CPNE7: variants seen among roughly 807,000 people sequenced by gnomAD.
CPNE7 encodes copine-7.
A neutral mutation model predicts 66.5 loss-of-function variants in CPNE7; 78 were observed. The observed-to-expected ratio is 1.17, with a 90% CI of 0.98 to 1.42. CPNE7 has a LOEUF of 1.42. Among genes scored for constraint, CPNE7 ranks in the 40% most tolerant of loss-of-function variants. The pLI is 0.00. For synonymous variants in CPNE7, 468 were observed against 336.7 expected, an observed-to-expected ratio of 1.39 and a Z score of -4.27; for missense variants, 1,012 against 776.6, an observed-to-expected ratio of 1.30 and a Z score of -3.60.
intron 7 of CPNE7, 121 bp from the exon 8 acceptor site, chr16:89,586,549 C>A (rs562832523): frequency 6.4e-5 from 47 of 739,980 alleles, no homozygotes; most frequent in Non-Finnish European, 2.3e-6. Flanking sequence ...GCAGTGCCCT[C>A]CCCTCCCCTC....
rs752571734 is a variant in CPNE7 at position 89,591,112 on chromosome 16, C to A, written c.1169-15C>A. On this transcript the variant is annotated splice_polypyrimidine_tract_variant and intron_variant, in intron 12 of 14. Coordinates refer to ENST00000319518, the MANE Select transcript of CPNE7 (RefSeq NM_153636.3). Reference sequence around the variant, plus strand: ...GGAGTGCAGGGGGGCCGGGCTCACCCCCTGCCCCCCACAGGCATCCAGGGC... The same window carrying A: ...GGAGTGCAGGGGGGCCGGGCTCACCACCTGCCCCCCACAGGCATCCAGGGC... 27 of 1,612,840 alleles carry A rather than the reference C, an allele frequency of 1.7e-5. No individual in the cohort carries two copies. The African/African-American group carries it at 3.6e-4, about 22-fold the overall frequency.
At chr16:89,593,726 T>C (rs1344857214) in intron 13 of CPNE7, among the ~76,000 whole-genome samples, 1 of 152,208 alleles carries the variant, frequency 6.6e-6, no homozygotes, top group Non-Finnish European at 1.5e-5. Context: ...CAAATACAGA[T>C]TTCAGGAAAT....
chr16:89,576,080 G>A lies in CPNE7; in HGVS notation c.174+9G>A, dbSNP rs747038071. 147 of 1,255,962 alleles carry A rather than the reference G, an allele frequency of 1.2e-4. 2 individuals are homozygous for A. Among genetic ancestry groups the A allele is most frequent in the African/African-American group, 1.6e-5 (1 of 64,460 alleles). 77.8% of individuals were successfully genotyped at this position (1,255,962 alleles called of 1,614,324 possible). On this transcript the variant is annotated intron_variant, in intron 1 of 14. Transcript: ENST00000319518. ...AGGGCCAGTGGGTGCAGGTAGGGCC[G>A]GGGCGTGGGAGGCCGAGAGGCCACC...
In CPNE7 at chr16:89,591,105, G is replaced by A. The variant is rs774030516; in HGVS notation, c.1169-22G>A. ...GGGGAGGGGAGTGCAGGGGGGCCGGGCTCACCCCCTGCCCCCCACAGGCAT... is the reference window on the plus strand; with the variant it reads ...GGGGAGGGGAGTGCAGGGGGGCCGGACTCACCCCCTGCCCCCCACAGGCAT... On this transcript the variant is annotated intron_variant, in intron 12 of 14. Coordinates refer to ENST00000319518, the MANE Select transcript of CPNE7 (RefSeq NM_153636.3). 5.0e-6 allele frequency: 8 copies of A among 1,613,000 alleles called. No homozygotes were observed. The East Asian group carries it at 1.1e-4, about 22-fold the overall frequency.
chr16:89,577,425 G>A (rs1236179742), intron 1 of CPNE7, 114 bp from the exon 2 acceptor site: 3 of 1,079,936 alleles, frequency 2.8e-6, no homozygotes, highest in Middle Eastern at 3.0e-4. Flanking sequence ...GTCTTCCCAG[G>A]GTATGAGTCC....
chr16:89,588,933 T>G, intron 10 of CPNE7, 125 bp downstream of exon 10: 1 of 1,167,780 alleles, frequency 8.6e-7, no homozygotes, highest in Non-Finnish European at 1.2e-6. Context: ...CGGCCGGTTT[T>G]CCCTCACCCC....
chr16:89,595,664 C>G, intron 14 of CPNE7, 61 bp downstream of exon 14: 1 of 1,413,680 alleles, frequency 7.1e-7, no homozygotes, highest in Non-Finnish European at 9.9e-7. Flanking sequence ...ATGTCACTGC[C>G]CAAGACCTTC....
intron 14 of CPNE7, 116 bp downstream of exon 14, chr16:89,595,719 G>T: frequency 1.1e-6 from 1 of 936,546 alleles, no homozygotes; most frequent in Non-Finnish European, 1.7e-6. Flanking sequence ...CCCTTCTTGT[G>T]TCTGGGGGAT....
chr16:89,595,588 C>G lies in CPNE7; in HGVS notation c.1524C>G (p.Phe508Leu). The G allele has an allele frequency of 6.2e-7, 1 of 1,604,026 alleles. No homozygotes were observed. Among genetic ancestry groups the G allele is most frequent in the Non-Finnish European group, 8.5e-7 (1 of 1,173,314 alleles). ...ALRDIVQFVP[F>L]RELKNASPAA... ...GGGACATCGTACAGTTCGTGCCCTTCCGGGAGCTCAAGAACGTGAGTGTCC... is the reference window on the plus strand; with the variant it reads ...GGGACATCGTACAGTTCGTGCCCTTGCGGGAGCTCAAGAACGTGAGTGTCC... Residue 508 changes from phenylalanine to leucine, a missense_variant, in exon 14 of 15, where the codon TTC becomes TTG. Physicochemically the swap from Phe to Leu is conservative, Grantham distance 22 (BLOSUM62 0). Coordinates refer to ENST00000319518, the MANE Select transcript of CPNE7 (RefSeq NM_153636.3).
chr16:89,588,575 C>G, intron 9 of CPNE7, 100 bp from the exon 10 acceptor site: 1 of 1,496,520 alleles, frequency 6.7e-7, no homozygotes, highest in East Asian at 2.3e-5. Context: ...CGACCCCTGA[C>G]CCTGAGTCCT....
At chr16:89,591,605 T>A (rs2059170916) in intron 13 of CPNE7, among the ~76,000 whole-genome samples, 1 of 152,184 alleles carries the variant, frequency 6.6e-6, no homozygotes, top group African/African-American at 2.4e-5. Flanking sequence ...TTTGCACAAA[T>A]GATACGGTGC....
At chr16:89,592,078 C>T (rs1028450983) in intron 13 of CPNE7, among the ~76,000 whole-genome samples, 6 of 149,722 alleles carry the variant, frequency 4.0e-5, no homozygotes, top group Admixed American at 6.6e-5. Flanking sequence ...GCGCAATCTC[C>T]GCTCACTGCA....
chr16:89,577,398 C>G (rs2058876503), intron 1 of CPNE7, 141 bp from the exon 2 acceptor site: 1 of 826,042 alleles, frequency 1.2e-6, no homozygotes, highest in Non-Finnish European at 1.9e-6. Context: ...GTCCCATGGA[C>G]AGAGAGCAGG....
chr16:89,575,956 G>T lies in CPNE7; in HGVS notation c.59G>T (p.Cys20Phe). Residue 20 changes from cysteine to phenylalanine, a missense_variant, in exon 1 of 15, where the codon TGC becomes TTC. Coordinates refer to ENST00000319518, the MANE Select transcript of CPNE7 (RefSeq NM_153636.3). ...ACCCCCGGGGGTTTGCCCGCGCCCT[G>T]CGCCTCGAAGGTGGAGCTGCGGCTC... ...AATPGGLPAPCASKVELRLSC... is the reference protein window; with the variant it reads ...AATPGGLPAPFASKVELRLSC... 7.4e-7 allele frequency: 1 copy of T among 1,350,224 alleles called. No individual in the cohort carries two copies. The highest frequency in any genetic ancestry group is 9.5e-7 in the Non-Finnish European group (1 of 1,050,006). 83.6% of individuals were successfully genotyped at this position (1,350,224 alleles called of 1,614,324 possible). A position where few individuals can be genotyped will look rare whatever the true frequency, so the allele number is the denominator to read the frequency against.
At chr16:89,581,065 C>T (rs181993945) in intron 2 of CPNE7, among the ~76,000 whole-genome samples, 1 of 149,562 alleles carries the variant, frequency 6.7e-6, no homozygotes, top group East Asian at 2.0e-4. Context: ...ATGGAACATC[C>T]CGTCACCTGT....
rs141230084 is a variant in CPNE7, at chr16:89,590,589, G to T, written c.1117-418G>T. Among the ~76,000 whole-genome samples the T allele has an allele frequency of 3.3e-5, 5 of 151,448 alleles. No homozygotes were observed. In the East Asian group the frequency reaches 9.8e-4, roughly 30 times the overall value. On this transcript the variant is annotated intron_variant, in intron 11 of 14. Transcript: ENST00000319518. ...TTCAGCAGAAAAAATGGTGTGTGGG[G>T]ATTTATTGGCTAATGTAAGCCTCAG...
chr16:89,588,565 C>T (rs949684879), intron 9 of CPNE7, 110 bp from the exon 10 acceptor site: 62 of 1,406,096 alleles, frequency 4.4e-5, no homozygotes, highest in East Asian at 2.8e-4. Context: ...CCCACCTACG[C>T]GACCCCTGAC....
At chr16:89,592,128 C>T (rs1203782407) in intron 13 of CPNE7, among the ~76,000 whole-genome samples, 2 of 151,454 alleles carry the variant, frequency 1.3e-5, no homozygotes, top group East Asian at 3.9e-4. Context: ...CCTGCCTCAG[C>T]CTCCTAAGTA....
At chr16:89,579,188 A>C (rs1427491079) in intron 2 of CPNE7, among the ~76,000 whole-genome samples, 1 of 151,976 alleles carries the variant, frequency 6.6e-6, no homozygotes, top group East Asian at 1.9e-4. Flanking sequence ...GCTACTGGGG[A>C]GGCTGAGGCA....
Sources: gnomAD v4.1 joint callset for allele counts (sites outside exome capture counted in the v4.1 genomes callset) on GRCh38, gnomAD v4.1.1 for gene constraint, MANE v1.5 for transcripts, NCBI Gene and HGNC (gene_info 2026-07-23, HGNC 2026-07-21) for gene names.